The following CDK6 variants were observed in gnomAD, a reference collection of about 807,000 sequenced individuals.
The protein encoded by CDK6 is cyclin dependent kinase 6, also known as cyclin-dependent kinase 6.
Under a neutral mutation model 37.1 loss-of-function variants are expected in CDK6, and 6 were observed. The ratio of observed to expected loss-of-function variants is 0.16; its 90% CI spans 0.09 to 0.32. CDK6 has a LOEUF of 0.32. CDK6 is among the 10% of genes least tolerant of loss of function. The pLI is 1.00. For missense variants in CDK6, 224 were observed against 418.9 expected (o/e 0.53, Z 4.06); for synonymous variants, 160 against 161.3 (o/e 0.99, Z 0.06).
At chr7:92,623,207 A>G in intron 5 of CDK6, 121 bp from the exon 6 acceptor site, 1 of 672,882 alleles carries the variant, frequency 1.5e-6, no homozygotes, top group South Asian at 1.9e-5. Flanking sequence ...AAGAAGTAAA[A>G]AAAATTGAGA....
intron 3 of CDK6, among the ~76,000 whole-genome samples, chr7:92,764,699 C>CTATG (rs1177046951): frequency 2.0e-5 from 3 of 152,188 alleles, no homozygotes; most frequent in African/African-American, 7.2e-5. Context: ...ATAACTGGCA[C>CTATG]TATGGGGTTT....
At chr7:92,660,276 C>T (rs1234093229) in intron 5 of CDK6, among the ~76,000 whole-genome samples, 1 of 152,166 alleles carries the variant, frequency 6.6e-6, no homozygotes, top group African/African-American at 2.4e-5. Context: ...TATGGGGCTA[C>T]TGTAAGCACA....
intron 4 of CDK6, among the ~76,000 whole-genome samples, chr7:92,680,094 C>G (rs1273592033): frequency 3.3e-5 from 5 of 151,844 alleles, no homozygotes; most frequent in Non-Finnish European, 5.9e-5. Flanking sequence ...CTGCCAAGCA[C>G]AGTCTTCTCA....
At chr7:92,717,911 T>C (rs1274596149) in intron 4 of CDK6, among the ~76,000 whole-genome samples, 1 of 152,248 alleles carries the variant, frequency 6.6e-6, no homozygotes, top group African/African-American at 2.4e-5. Flanking sequence ...CATCGATATT[T>C]GCCTTCACCG....
At chr7:92,776,186 T>A (rs1799848976) in intron 2 of CDK6, among the ~76,000 whole-genome samples, 1 of 152,166 alleles carries the variant, frequency 6.6e-6, no homozygotes, top group Non-Finnish European at 1.5e-5. Flanking sequence ...TGTGTTAGTT[T>A]GCTGAGAATG....
At chr7:92,648,874 A>G (rs1442475766) in intron 5 of CDK6, among the ~76,000 whole-genome samples, 1 of 152,216 alleles carries the variant, frequency 6.6e-6, no homozygotes, top group African/African-American at 2.4e-5. Flanking sequence ...AAACATATAC[A>G]TTTGGGATAT....
At position 92,730,963 on chromosome 7, in the gene CDK6, G is replaced by C. The variant is rs377761482; in HGVS notation, c.370-5170C>G. On this transcript the variant is annotated intron_variant, in intron 3 of 7. Transcript: ENST00000424848. ...AACCATGGTTCTCCCATAAAATGTGGTATATTGTTGCTACCTAAGCAATGA... is the reference window on the plus strand; with the variant it reads ...AACCATGGTTCTCCCATAAAATGTGCTATATTGTTGCTACCTAAGCAATGA... Among the ~76,000 whole-genome samples the C allele has an allele frequency of 5.3e-5, 8 of 152,264 alleles. No homozygotes were observed. In the East Asian group the frequency reaches 1.5e-3, roughly 29 times the overall value.
At chr7:92,666,974 A>G (rs756819490) in intron 5 of CDK6, among the ~76,000 whole-genome samples, 28 of 152,310 alleles carry the variant, frequency 1.8e-4, no homozygotes, top group Non-Finnish European at 3.2e-4. Flanking sequence ...AGGGGATGAC[A>G]GTTCCATGCA....
At chr7:92,638,581 G>A (rs111666462) in intron 5 of CDK6, among the ~76,000 whole-genome samples, 124 of 152,314 alleles carry the variant, frequency 8.1e-4, no homozygotes, top group African/African-American at 2.8e-3. Context: ...GACTGGGCAG[G>A]AACCTCAGTC....
intron 2 of CDK6, among the ~76,000 whole-genome samples, chr7:92,793,156 T>C (rs1361209541): frequency 6.6e-6 from 1 of 152,096 alleles, no homozygotes; most frequent in East Asian, 1.9e-4. Context: ...GACTTGATAT[T>C]GTTAAGAGGC....
At chr7:92,795,320 G>C (rs1448847551) in intron 2 of CDK6, among the ~76,000 whole-genome samples, 1 of 152,050 alleles carries the variant, frequency 6.6e-6, no homozygotes, top group Non-Finnish European at 1.5e-5. Context: ...TCATGAAAGG[G>C]AAAACAAGGT....
At chr7:92,619,577 A>G (rs1205022190) in intron 6 of CDK6, among the ~76,000 whole-genome samples, 1 of 151,578 alleles carries the variant, frequency 6.6e-6, no homozygotes, top group Non-Finnish European at 1.5e-5. Flanking sequence ...GTTCTTATGA[A>G]TGTACTTCCA....
chr7:92,638,438 C>T (rs757252127), intron 5 of CDK6, among the ~76,000 whole-genome samples: 10 of 152,080 alleles, frequency 6.6e-5, no homozygotes, highest in Admixed American at 5.2e-4. Context: ...GTACCTTTAC[C>T]CACTCATTTG....
At chr7:92,679,010 C>T (rs1797271633) in intron 4 of CDK6, among the ~76,000 whole-genome samples, 1 of 152,202 alleles carries the variant, frequency 6.6e-6, no homozygotes, top group Admixed American at 6.5e-5. Context: ...CCCTCTTCTT[C>T]TAGGGCCTGG....
At chr7:92,718,935 G>A (rs1273133693) in intron 4 of CDK6, among the ~76,000 whole-genome samples, 2 of 152,090 alleles carry the variant, frequency 1.3e-5, no homozygotes, top group Admixed American at 6.5e-5. Flanking sequence ...CACTGACAGC[G>A]TCTGCACATA....
At chr7:92,627,383 T>C (rs1748021941) in intron 5 of CDK6, among the ~76,000 whole-genome samples, 1 of 152,096 alleles carries the variant, frequency 6.6e-6, no homozygotes, top group South Asian at 2.1e-4. Context: ...GTGATGGCAT[T>C]AGGAACTGGG....
chr7:92,647,736 G>C (rs1324385797), intron 5 of CDK6, among the ~76,000 whole-genome samples: 1 of 152,148 alleles, frequency 6.6e-6, no homozygotes, highest in Non-Finnish European at 1.5e-5. Flanking sequence ...TCTAAATATT[G>C]CAGGTTTGGC....
At chr7:92,692,352 A>G (rs1690521093) in intron 4 of CDK6, among the ~76,000 whole-genome samples, 1 of 152,224 alleles carries the variant, frequency 6.6e-6, no homozygotes, top group African/African-American at 2.4e-5. Flanking sequence ...AGGAATTTCA[A>G]TAGTCCATGT....
chr7:92,661,298 A>G (rs1796829760), intron 5 of CDK6, among the ~76,000 whole-genome samples: 1 of 152,302 alleles, frequency 6.6e-6, no homozygotes, highest in South Asian at 2.1e-4. Flanking sequence ...TGCCCCTTAT[A>G]AAGTTATTCT....
Sources: gnomAD v4.1 joint callset for allele counts (sites outside exome capture counted in the v4.1 genomes callset) on GRCh38, gnomAD v4.1.1 for gene constraint, MANE v1.5 for transcripts, NCBI Gene and HGNC (gene_info 2026-07-23, HGNC 2026-07-21) for gene names.